Variants in ARHGAP18 observed in about 807,000 individuals in gnomAD.
The protein encoded by ARHGAP18 is rho GTPase-activating protein 18.
Under a neutral mutation model 86.2 loss-of-function variants are expected in ARHGAP18, and 67 were observed. That is an observed-to-expected ratio of 0.78 (90% CI 0.64 to 0.95). The LOEUF (loss-of-function observed/expected upper bound fraction) is 0.95, where lower values mean the gene tolerates loss of function less well. Ranked by LOEUF, ARHGAP18 falls within the 40% of genes least tolerant of loss-of-function variation. The pLI is 0.00. For synonymous variants in ARHGAP18, 283 were observed against 280.4 expected, an observed-to-expected ratio of 1.01 and a Z score of -0.09; for missense variants, 691 against 780.4, an observed-to-expected ratio of 0.89 and a Z score of 1.37.
chr6:129,648,633 C>T (rs1179309889), intron 1 of ARHGAP18, among the ~76,000 whole-genome samples: 1 of 151,580 alleles, frequency 6.6e-6, no homozygotes, highest in East Asian at 2.0e-4. Context: ...TTGTGTCATG[C>T]TGGGCATAAC....
chr6:129,623,545 G>T (rs1584056990), intron 5 of ARHGAP18, among the ~76,000 whole-genome samples: 1 of 152,212 alleles, frequency 6.6e-6, no homozygotes, highest in African/African-American at 2.4e-5. Flanking sequence ...ATGAAATGAG[G>T]TCAACAGAGA....
At chr6:129,622,729 G>A (rs535247040) in intron 5 of ARHGAP18, among the ~76,000 whole-genome samples, 1 of 152,098 alleles carries the variant, frequency 6.6e-6, no homozygotes, top group Admixed American at 6.5e-5. Context: ...GACTGGGCAT[G>A]GTGGCTCACA....
At chr6:129,645,314 C>T (rs1773556093) in intron 1 of ARHGAP18, among the ~76,000 whole-genome samples, 1 of 152,184 alleles carries the variant, frequency 6.6e-6, no homozygotes, top group Non-Finnish European at 1.5e-5. Flanking sequence ...AACTAGTTTC[C>T]TCTTTTCTGT....
chr6:129,626,216 G>T (rs1425039847), intron 5 of ARHGAP18, among the ~76,000 whole-genome samples: 1 of 150,596 alleles, frequency 6.6e-6, no homozygotes, highest in Non-Finnish European at 1.5e-5. Context: ...ATAAAAAGAA[G>T]TGAGAAATAT....
At chr6:129,676,668 C>A (rs944769825) in intron 1 of ARHGAP18, among the ~76,000 whole-genome samples, 1 of 152,256 alleles carries the variant, frequency 6.6e-6, no homozygotes, top group East Asian at 1.9e-4. Flanking sequence ...TGAGCAAGCA[C>A]TCACTGCATA....
intron 1 of ARHGAP18, among the ~76,000 whole-genome samples, chr6:129,699,959 G>GAA (rs1325482031): frequency 6.6e-6 from 1 of 152,192 alleles, no homozygotes; most frequent in Non-Finnish European, 1.5e-5. Context: ...TAGATGAGGA[G>GAA]AAAGACTAAC....
At chr6:129,625,899 TATTTATATATTATATATTATAG>T (rs1156869975) in intron 5 of ARHGAP18, among the ~76,000 whole-genome samples, 1,285 of 82,774 alleles carry the variant, frequency 0.016, 29 homozygotes, top group African/African-American at 0.045. Context: ...ATATATTATA[TATTTATATATTATATATTATAG>T]ATATTTATAT....
At chr6:129,635,421 C>A (rs758128973) in intron 3 of ARHGAP18, among the ~76,000 whole-genome samples, 1 of 152,244 alleles carries the variant, frequency 6.6e-6, no homozygotes, top group African/African-American at 2.4e-5. Flanking sequence ...ACGTGGGTAC[C>A]CAGCATCACT....
chr6:129,603,916 A>G (rs1334248108), intron 10 of ARHGAP18, among the ~76,000 whole-genome samples: 1 of 152,192 alleles, frequency 6.6e-6, no homozygotes, highest in Non-Finnish European at 1.5e-5. Flanking sequence ...CATGCACATG[A>G]TTCTGTCCTT....
chr6:129,672,658 T>C (rs533483027), intron 1 of ARHGAP18, among the ~76,000 whole-genome samples: 1 of 152,374 alleles, frequency 6.6e-6, no homozygotes, highest in African/African-American at 2.4e-5. Flanking sequence ...AGCTAATGCC[T>C]AATTCAATCA....
chr6:129,617,749 C>T (rs1252333894), intron 6 of ARHGAP18, among the ~76,000 whole-genome samples: 5 of 152,068 alleles, frequency 3.3e-5, no homozygotes, highest in Non-Finnish European at 5.9e-5. Context: ...CTAAAATACT[C>T]AAAGGAACTA....
chr6:129,631,156 C>G (rs1773195267), intron 4 of ARHGAP18, among the ~76,000 whole-genome samples: 1 of 151,948 alleles, frequency 6.6e-6, no homozygotes, highest in Admixed American at 6.6e-5. Context: ...GGAAACTATT[C>G]TAAGAGGAAA....
Position 129,584,088 on chromosome 6 carries a change from G to A in ARHGAP18, c.1738C>T (p.Arg580Ter), listed in dbSNP as rs1313745631. The A allele has an allele frequency of 3.7e-6, 6 of 1,613,568 alleles. No individual in the cohort carries two copies. The highest frequency in any genetic ancestry group is 5.1e-6 in the Non-Finnish European group (6 of 1,179,714). The stretch of plus-strand genomic sequence containing the variant: ...TTCGAAAGATGGGGAGCTTGCACTC[G>A]AATCACTCCCTGAGGAACGTCAGCC... ...NDADVPQGVI[R>*]VQAPHLSKVS... Residue 580 changes from arginine to a stop codon, truncating the protein, a stop_gained, in exon 13 of 15, where the codon CGA becomes TGA. Transcript: ENST00000368149. LOFTEE classifies it high-confidence loss of function.
At chr6:129,649,553 CAAAAAAAAAAAAA>C (rs35700328) in intron 1 of ARHGAP18, among the ~76,000 whole-genome samples, 15 of 50,004 alleles carry the variant, frequency 3.0e-4, no homozygotes, top group Middle Eastern at 0.013. Flanking sequence ...TCTCTGTCTC[CAAAAAAAAAAAAA>C]AAAAAAAAAA....
intron 10 of ARHGAP18, among the ~76,000 whole-genome samples, chr6:129,602,172 A>G (rs924616607): frequency 2.6e-5 from 4 of 152,150 alleles, no homozygotes; most frequent in Admixed American, 6.6e-5. Context: ...CAGGTATTCA[A>G]TGTTCTCTAT....
chr6:129,616,308 A>C lies in ARHGAP18; in HGVS notation c.953-5T>G. On this transcript the variant is annotated splice_polypyrimidine_tract_variant and splice_region_variant and intron_variant, in intron 6 of 14. Coordinates refer to ENST00000368149, the MANE Select transcript of ARHGAP18 (RefSeq NM_033515.3). ...GAACGCAAAAAAGACCAGAATCTGC[A>C]AGAAAAAAAATGAAATTTCCTCACT... The C allele has an allele frequency of 6.2e-7, 1 of 1,604,782 alleles. No individual in the cohort carries two copies. The highest frequency in any genetic ancestry group is 8.5e-7 in the Non-Finnish European group (1 of 1,175,960).
At chr6:129,663,003 C>T (rs917177534) in intron 1 of ARHGAP18, among the ~76,000 whole-genome samples, 2 of 152,154 alleles carry the variant, frequency 1.3e-5, no homozygotes, top group East Asian at 1.9e-4. Flanking sequence ...ATCACAATAA[C>T]GAGACTACCA....
chr6:129,602,407 A>C (rs4604290), intron 10 of ARHGAP18, among the ~76,000 whole-genome samples: 47,717 of 151,840 alleles, frequency 0.31, 7,740 homozygotes, highest in Non-Finnish European at 0.36. Context: ...TTTCAGAGTT[A>C]GCCTAAAATC....
chr6:129,642,033 G>T lies in ARHGAP18; in HGVS notation c.114-15C>A. 2 of 1,610,148 alleles carry T rather than the reference G, an allele frequency of 1.2e-6. No individual in the cohort carries two copies. Among genetic ancestry groups the T allele is most frequent in the South Asian group, 1.1e-5 (1 of 90,588 alleles). ...CATATCTGCGACTGTAAATTCAAAA[G>T]AACCCATGGTTTATTTTAGTACAAA... On this transcript the variant is annotated splice_polypyrimidine_tract_variant and intron_variant, in intron 1 of 14. Coordinates refer to ENST00000368149, the MANE Select transcript of ARHGAP18 (RefSeq NM_033515.3).
Sources: gnomAD v4.1 joint callset for allele counts (sites outside exome capture counted in the v4.1 genomes callset) on GRCh38, gnomAD v4.1.1 for gene constraint, MANE v1.5 for transcripts, NCBI Gene and HGNC (gene_info 2026-07-23, HGNC 2026-07-21) for gene names.